Variants in SIM1 observed in about 807,000 individuals in gnomAD.
SIM1 encodes the protein single-minded homolog 1.
In SIM1, 18 loss-of-function variants were observed where a neutral mutation model predicts 78.2. That is an observed-to-expected ratio of 0.23 (90% CI 0.16 to 0.34). The LOEUF is 0.34. Among genes scored for constraint, SIM1 ranks in the 10% least tolerant of loss-of-function variants. The probability of loss-of-function intolerance (pLI) is 1.00; values close to 1 mark genes in which losing one functional copy is unlikely to be tolerated. For synonymous variants in SIM1, 417 were observed against 385.2 expected (o/e 1.08, Z -0.97); for missense variants, 939 against 975.1 (o/e 0.96, Z 0.49).
intron 2 of SIM1, 108 bp from the exon 3 acceptor site, chr6:100,453,952 T>C: frequency 2.9e-6 from 2 of 689,160 alleles, no homozygotes; most frequent in Admixed American, 2.9e-5. Context: ...TTTGACTGGA[T>C]ACCATAGGGG....
chr6:100,414,947 A>G (rs969867216), intron 10 of SIM1, among the ~76,000 whole-genome samples: 5 of 152,258 alleles, frequency 3.3e-5, no homozygotes, highest in African/African-American at 9.6e-5. Context: ...GATGTGGAAT[A>G]AAATCTGCAA....
intron 9 of SIM1, among the ~76,000 whole-genome samples, chr6:100,445,114 CAATGT>C (rs1772322868): frequency 6.6e-6 from 1 of 152,144 alleles, no homozygotes; most frequent in Non-Finnish European, 1.5e-5. Context: ...TTTGCTAAGA[CAATGT>C]AAATTAGTAA....
At chr6:100,411,033 A>C (rs1771175504) in intron 10 of SIM1, among the ~76,000 whole-genome samples, 1 of 152,248 alleles carries the variant, frequency 6.6e-6, no homozygotes, top group Non-Finnish European at 1.5e-5. Context: ...TCATAAGCAT[A>C]ACACTATTAA....
chr6:100,459,576 T>C (rs1011752693), intron 2 of SIM1, among the ~76,000 whole-genome samples: 2 of 152,196 alleles, frequency 1.3e-5, no homozygotes, highest in African/African-American at 4.8e-5. Flanking sequence ...CTCAAAAAAA[T>C]ATAACACCAT....
intron 9 of SIM1, among the ~76,000 whole-genome samples, chr6:100,436,731 T>G (rs1772060582): frequency 6.7e-6 from 1 of 148,914 alleles, no homozygotes; most frequent in Admixed American, 6.9e-5. Flanking sequence ...GTTTTTGTTT[T>G]TGTTTTTGGT....
rs1335620956 is a variant in SIM1 at position 100,393,836 on chromosome 6, G to A, written c.1221C>T (p.Gly407=). 6.2e-7 allele frequency: 1 copy of A among 1,605,500 alleles called. No individual in the cohort carries two copies. The highest frequency in any genetic ancestry group is 1.1e-5 in the South Asian group (1 of 90,116). The change falls in exon 11 of 12, where the codon GGC becomes GGT. Residue 407 remains glycine (G), a synonymous_variant. Transcript: ENST00000369208. The stretch of plus-strand genomic sequence containing the variant: ...AGGCCGTGTCGGTCAAGGGACTTCC[G>A]CCCCACTGGCTGTCATGATCAGATT... ...RSESDHDSQW[G]GSPLTDTASP... is the part of the protein sequence containing the mutation.
Position 100,400,287 on chromosome 6 carries a change from A to T in SIM1, c.1168-6398T>A, listed in dbSNP as rs561719821. ...ATTGTATGGCTATATATCACTTCAC[A>T]TACTGATAATAAAGAAGAAAGCTTC... On this transcript the variant is annotated intron_variant, in intron 10 of 11. Transcript: ENST00000369208. Among the ~76,000 whole-genome samples, 5 of 152,134 alleles carry T rather than the reference A, an allele frequency of 3.3e-5. No homozygotes were observed. The East Asian group carries it at 9.6e-4, about 29-fold the overall frequency.
At chr6:100,398,116 A>G (rs572557139) in intron 10 of SIM1, among the ~76,000 whole-genome samples, 2 of 152,264 alleles carry the variant, frequency 1.3e-5, no homozygotes, top group Admixed American at 6.5e-5. Flanking sequence ...AGCTTCTTAA[A>G]AACTAAATGT....
intron 11 of SIM1, among the ~76,000 whole-genome samples, chr6:100,392,972 G>C (rs6924163): frequency 3.1e-3 from 469 of 152,274 alleles, no homozygotes; most frequent in African/African-American, 0.011. Flanking sequence ...CATCATTGTG[G>C]GTTGTCATAA....
At chr6:100,428,043 A>C (rs1320240191) in intron 9 of SIM1, among the ~76,000 whole-genome samples, 2 of 152,234 alleles carry the variant, frequency 1.3e-5, no homozygotes, top group African/African-American at 2.4e-5. Context: ...AATGAGAAAG[A>C]GATACCTACT....
At chr6:100,449,790 A>G in intron 4 of SIM1, 91 bp from the exon 5 acceptor site, 1 of 1,046,024 alleles carries the variant, frequency 9.6e-7, no homozygotes, top group South Asian at 1.3e-5. Flanking sequence ...CAGGACCATG[A>G]GGACAGCAGC....
At chr6:100,394,202 C>T (rs568004229) in intron 10 of SIM1, among the ~76,000 whole-genome samples, 1 of 152,218 alleles carries the variant, frequency 6.6e-6, no homozygotes, top group South Asian at 2.1e-4. Context: ...CCACTTAGCT[C>T]CTGCAGTAAA....
rs763721803 is a variant in SIM1 at position 100,449,744 on chromosome 6, C to G, written c.349-45G>C. The G allele has an allele frequency of 4.0e-6, 6 of 1,501,676 alleles. No homozygotes were observed. The Admixed American group carries it at 5.0e-5, about 13-fold the overall frequency. 93.0% of individuals were successfully genotyped at this position (1,501,676 alleles called of 1,614,324 possible). A position where few individuals can be genotyped will look rare whatever the true frequency, so the allele number is the denominator to read the frequency against. ...GCCGTCGCCGTGGCGGTGGAATGCC[C>G]GGTGAAGGGACTGAAAGATTAGGCC... On this transcript the variant is annotated intron_variant, in intron 4 of 11. Transcript: ENST00000369208.
At chr6:100,418,522 T>TGGTAGTTATA (rs1771472672) in intron 10 of SIM1, among the ~76,000 whole-genome samples, 1 of 152,132 alleles carries the variant, frequency 6.6e-6, no homozygotes. Flanking sequence ...GGTAGTCTAA[T>TGGTAGTTATA]GGTAGTTATA....
At chr6:100,436,335 G>A (rs967675538) in intron 9 of SIM1, among the ~76,000 whole-genome samples, 1 of 152,066 alleles carries the variant, frequency 6.6e-6, no homozygotes, top group Admixed American at 6.5e-5. Flanking sequence ...GCACATAATA[G>A]GTGTTCAATA....
Position 100,387,212 on chromosome 6 carries a change from T to C in SIM1, c.*3149A>G, listed in dbSNP as rs1019985703. On this transcript the variant is annotated 3_prime_UTR_variant, in exon 12 of 12. Coordinates refer to ENST00000369208, the MANE Select transcript of SIM1 (RefSeq NM_005068.3). ...ACATTTTTATGTATCCCCAAGGTGA[T>C]ATGAAAATCATACTTCTGTATCTAT... The C allele has an allele frequency of 6.6e-6, 1 of 152,130 alleles. No homozygotes were observed. Among genetic ancestry groups the C allele is most frequent in the African/African-American group, 2.4e-5 (1 of 41,470 alleles). 9.4% of individuals were successfully genotyped at this position (152,130 alleles called of 1,614,324 possible).
chr6:100,464,449 G>A (rs997347149), intron 1 of SIM1, among the ~76,000 whole-genome samples, 165 bp downstream of exon 1: 1 of 152,196 alleles, frequency 6.6e-6, no homozygotes, highest in Non-Finnish European at 1.5e-5. Flanking sequence ...CTGCCCAGCA[G>A]GGGCTGCAAC....
intron 9 of SIM1, among the ~76,000 whole-genome samples, chr6:100,441,027 C>T (rs1247576109): frequency 1.3e-5 from 2 of 152,142 alleles, no homozygotes; most frequent in Non-Finnish European, 2.9e-5. Context: ...GGCAGTGATC[C>T]GTATTTTTCT....
Position 100,390,251 on chromosome 6 carries a change from C to A in SIM1, c.*110G>T. On this transcript the variant is annotated 3_prime_UTR_variant, in exon 12 of 12. Transcript: ENST00000369208. Reference sequence around the variant, plus strand: ...GGAACACGTATCAAATACCCAGTAACTTAAGTTATACTCTCTAACAATCTG... The same window carrying A: ...GGAACACGTATCAAATACCCAGTAAATTAAGTTATACTCTCTAACAATCTG... 8.1e-7 allele frequency: 1 copy of A among 1,232,526 alleles called. No homozygotes were observed. Among genetic ancestry groups the A allele is most frequent in the African/African-American group, 1.5e-5 (1 of 66,136 alleles). The allele number at this position is 1,232,526 out of a possible 1,614,324, so 76.3% of individuals were successfully genotyped here. A position where few individuals can be genotyped will look rare whatever the true frequency, so the allele number is the denominator to read the frequency against.
Sources: gnomAD v4.1 joint callset for allele counts (sites outside exome capture counted in the v4.1 genomes callset) on GRCh38, gnomAD v4.1.1 for gene constraint, MANE v1.5 for transcripts, NCBI Gene and HGNC (gene_info 2026-07-23, HGNC 2026-07-21) for gene names.